The following TPST1 variants were observed in gnomAD, a reference collection of about 807,000 sequenced individuals.
The protein encoded by TPST1 is protein-tyrosine sulfotransferase 1.
TPST1 carries 20 observed loss-of-function variants against 34.8 expected under a neutral mutation model. The ratio of observed to expected loss-of-function variants is 0.57; its 90% CI spans 0.40 to 0.84. The LOEUF (loss-of-function observed/expected upper bound fraction) is 0.84, where lower values mean the gene tolerates loss of function less well. Ranked by LOEUF, TPST1 falls within the 40% of genes least tolerant of loss-of-function variation. The pLI is 0.00. For missense variants in TPST1, 353 were observed against 455.5 expected, an observed-to-expected ratio of 0.78 and a Z score of 2.05; for synonymous variants, 152 against 159.4, an observed-to-expected ratio of 0.95 and a Z score of 0.35.
At chr7:66,212,463 C>A (rs113149215) in intron 1 of TPST1, among the ~76,000 whole-genome samples, 1 of 60,934 alleles carries the variant, frequency 1.6e-5, no homozygotes, top group Admixed American at 1.5e-4. Context: ...TTTCTTTTTT[C>A]TTTTTTTTTT....
chr7:66,337,296 C>CA (rs995992650), intron 3 of TPST1, among the ~76,000 whole-genome samples: 1 of 123,768 alleles, frequency 8.1e-6, no homozygotes, highest in Non-Finnish European at 1.7e-5. Flanking sequence ...GACTAAAAGA[C>CA]AAATTTTTTT....
At chr7:66,258,506 T>G (rs1382054198) in intron 2 of TPST1, among the ~76,000 whole-genome samples, 11 of 152,216 alleles carry the variant, frequency 7.2e-5, no homozygotes, top group Admixed American at 7.2e-4. Flanking sequence ...CTTCCCTGAA[T>G]CTCTCTTATG....
At position 66,253,506 on chromosome 7, in the gene TPST1, G is replaced by A. The variant is rs77948648; in HGVS notation, c.845+12236G>A. Among the ~76,000 whole-genome samples, 603 of 151,710 alleles carry A rather than the reference G, an allele frequency of 4.0e-3. 4 individuals are homozygous for A. The highest frequency in any genetic ancestry group is 0.014 in the African/African-American group (572 of 41,374). Reference sequence around the variant, plus strand: ...ATGCCTCAATTCTCCCGAGTAGCTGGGACTACAGGCGTGTGCCACCATGCC... The same window carrying A: ...ATGCCTCAATTCTCCCGAGTAGCTGAGACTACAGGCGTGTGCCACCATGCC... On this transcript the variant is annotated intron_variant, in intron 2 of 5. Coordinates refer to ENST00000304842, the MANE Select transcript of TPST1 (RefSeq NM_003596.4).
At chr7:66,353,911 G>A (rs960521565) in intron 4 of TPST1, among the ~76,000 whole-genome samples, 2 of 152,222 alleles carry the variant, frequency 1.3e-5, no homozygotes, top group Non-Finnish European at 2.9e-5. Context: ...TCACACCAGA[G>A]TTGAAGCCTC....
At chr7:66,226,517 A>G (rs1789659021) in intron 1 of TPST1, among the ~76,000 whole-genome samples, 1 of 152,188 alleles carries the variant, frequency 6.6e-6, no homozygotes, top group Admixed American at 6.5e-5. Flanking sequence ...CACAAGCGTA[A>G]TGAAAACTAA....
At chr7:66,256,725 C>T (rs1048141817) in intron 2 of TPST1, among the ~76,000 whole-genome samples, 29 of 152,104 alleles carry the variant, frequency 1.9e-4, no homozygotes, top group South Asian at 2.1e-4. Context: ...CGGGATTACA[C>T]GAAGGTAGGA....
intron 3 of TPST1, among the ~76,000 whole-genome samples, chr7:66,336,698 C>T (rs1230068188): frequency 6.6e-6 from 1 of 152,052 alleles, no homozygotes; most frequent in Admixed American, 6.6e-5. Context: ...CAAATCATGG[C>T]TGAAAAAGTC....
At chr7:66,203,007 C>T (rs1191114974), upstream of TPST1, among the ~76,000 whole-genome samples, 3 of 151,972 alleles carry the variant, frequency 2.0e-5, no homozygotes, top group East Asian at 1.9e-4. Flanking sequence ...ACTCGGGAGG[C>T]GGAGGTTGTA....
intron 1 of TPST1, among the ~76,000 whole-genome samples, chr7:66,231,137 T>C (rs1444992024): frequency 3.3e-5 from 5 of 151,934 alleles, no homozygotes; most frequent in Admixed American, 2.0e-4. Flanking sequence ...AGAGTGTCGA[T>C]TGGTGCACTC....
chr7:66,298,175 T>C (rs1214733787), intron 3 of TPST1, among the ~76,000 whole-genome samples: 4 of 152,214 alleles, frequency 2.6e-5, no homozygotes, highest in Non-Finnish European at 5.9e-5. Flanking sequence ...GTTCTGTAAA[T>C]ATCAGTGAGG....
upstream of TPST1, among the ~76,000 whole-genome samples, chr7:66,200,947 C>T (rs185884117): frequency 2.1e-3 from 325 of 152,066 alleles, 2 homozygotes; most frequent in African/African-American, 7.6e-3. Flanking sequence ...AGGCTGGTCT[C>T]GAACTACTGA....
At chr7:66,272,587 C>CTT (rs555211164) in intron 2 of TPST1, among the ~76,000 whole-genome samples, 8 of 135,878 alleles carry the variant, frequency 5.9e-5, no homozygotes, top group Admixed American at 7.5e-5. Context: ...CACCCCAATT[C>CTT]TTTTTTTTTT....
intron 1 of TPST1, among the ~76,000 whole-genome samples, chr7:66,206,430 G>T (rs1789132954): frequency 6.6e-6 from 1 of 152,200 alleles, no homozygotes; most frequent in African/African-American, 2.4e-5. Context: ...ATGGTAGCAA[G>T]AAGTCCAGTG....
intron 2 of TPST1, among the ~76,000 whole-genome samples, chr7:66,285,151 T>G (rs1562829509): frequency 6.6e-6 from 1 of 152,170 alleles, no homozygotes; most frequent in Non-Finnish European, 1.5e-5. Context: ...GAATTCAGAA[T>G]TTTTTGGATT....
chr7:66,208,465 T>G (rs183168178), intron 1 of TPST1, among the ~76,000 whole-genome samples: 2 of 152,034 alleles, frequency 1.3e-5, no homozygotes, highest in Non-Finnish European at 2.9e-5. Flanking sequence ...TTACCACTTA[T>G]ACCATTTTTA....
chr7:66,224,776 A>G (rs945133455), intron 1 of TPST1, among the ~76,000 whole-genome samples: 5 of 151,754 alleles, frequency 3.3e-5, no homozygotes, highest in Non-Finnish European at 7.4e-5. Context: ...CTAGGAGTCT[A>G]TTTCATTTGG....
upstream of TPST1, among the ~76,000 whole-genome samples, chr7:66,201,862 GA>G (rs370370393): frequency 4.5e-3 from 596 of 131,484 alleles, 5 homozygotes; most frequent in African/African-American, 0.015. Flanking sequence ...ATTAAAATAA[GA>G]AAAAAAAAAA....
At chr7:66,214,299 T>C (rs1421719512) in intron 1 of TPST1, among the ~76,000 whole-genome samples, 2 of 151,804 alleles carry the variant, frequency 1.3e-5, no homozygotes, top group Admixed American at 6.6e-5. Context: ...GACAATCATA[T>C]ATAATATTGT....
At chr7:66,295,302 C>G (rs1033085882) in intron 3 of TPST1, among the ~76,000 whole-genome samples, 1 of 152,224 alleles carries the variant, frequency 6.6e-6, no homozygotes, top group East Asian at 1.9e-4. Context: ...CAAGACCAGC[C>G]TGGACAATGT....
Sources: gnomAD v4.1 joint callset for allele counts (sites outside exome capture counted in the v4.1 genomes callset) on GRCh38, gnomAD v4.1.1 for gene constraint, MANE v1.5 for transcripts, NCBI Gene and HGNC (gene_info 2026-07-23, HGNC 2026-07-21) for gene names.